PLCB1: variants seen among roughly 807,000 people sequenced by gnomAD.
PLCB1 encodes the protein 1-phosphatidylinositol 4,5-bisphosphate phosphodiesterase beta-1.
PLCB1 carries 46 observed loss-of-function variants against 161.8 expected under a neutral mutation model. That is an observed-to-expected ratio of 0.28 (90% CI 0.22 to 0.36). The LOEUF (loss-of-function observed/expected upper bound fraction) is 0.36. Ranked by LOEUF, PLCB1 falls within the 10% of genes least tolerant of loss-of-function variation. The pLI is 1.00. For synonymous variants in PLCB1, 517 were observed against 503.7 expected, an observed-to-expected ratio of 1.03 and a Z score of -0.35; for missense variants, 1,016 against 1,472.5, an observed-to-expected ratio of 0.69 and a Z score of 5.07.
intron 2 of PLCB1, among the ~76,000 whole-genome samples, chr20:8,364,754 T>C (rs1381037413): frequency 6.6e-6 from 1 of 152,226 alleles, no homozygotes; most frequent in East Asian, 1.9e-4. Context: ...CCATGTCAAT[T>C]GACAGTTACA....
At chr20:8,320,840 AGGG>A in intron 2 of PLCB1, among the ~76,000 whole-genome samples, 1 of 124,176 alleles carries the variant, frequency 8.1e-6, no homozygotes, top group African/African-American at 2.9e-5. Flanking sequence ...AGAGGGAGGG[AGGG>A]AGGGAGGGAA....
At chr20:8,698,222 T>C (rs1990623070) in intron 11 of PLCB1, among the ~76,000 whole-genome samples, 1 of 152,198 alleles carries the variant, frequency 6.6e-6, no homozygotes, top group African/African-American at 2.4e-5. Flanking sequence ...CCCATCAGAA[T>C]GTCCCGTTTA....
At chr20:8,434,421 G>A (rs374162086) in intron 3 of PLCB1, among the ~76,000 whole-genome samples, 3 of 152,212 alleles carry the variant, frequency 2.0e-5, no homozygotes, top group South Asian at 4.1e-4. Context: ...AGCATGTAAG[G>A]TCAAGAGGGT....
intron 2 of PLCB1, among the ~76,000 whole-genome samples, chr20:8,311,742 G>C (rs1205814869): frequency 6.6e-6 from 1 of 152,188 alleles, no homozygotes; most frequent in East Asian, 1.9e-4. Context: ...GTTGCCACTT[G>C]AACTTGGGTA....
chr20:8,182,781 A>G (rs1182275633), intron 2 of PLCB1, among the ~76,000 whole-genome samples: 2 of 151,834 alleles, frequency 1.3e-5, no homozygotes, highest in Non-Finnish European at 2.9e-5. Context: ...GTGTTTCACC[A>G]TGTTGGCCAG....
At chr20:8,737,598 T>C (rs923369543) in intron 20 of PLCB1, among the ~76,000 whole-genome samples, 1 of 152,226 alleles carries the variant, frequency 6.6e-6, no homozygotes, top group Non-Finnish European at 1.5e-5. Context: ...CCAAAATCTC[T>C]AGCCTCTGAG....
chr20:8,687,473 G>T (rs1013980781), intron 10 of PLCB1, among the ~76,000 whole-genome samples: 8 of 152,092 alleles, frequency 5.3e-5, no homozygotes, highest in Admixed American at 1.3e-4. Context: ...GAACCATATT[G>T]GTTGTCTTTT....
In PLCB1 at chr20:8,838,808, T is replaced by C. The variant is rs537078428; in HGVS notation, c.3424-42814T>C. On this transcript the variant is annotated intron_variant, in intron 31 of 31. Coordinates refer to ENST00000338037, the MANE Select transcript of PLCB1 (RefSeq NM_015192.4). ...TAACATGGAAAGTTTAACCAGGTGG[T>C]GACTCCAATTGCAGCTGTTGTACCA... Among the ~76,000 whole-genome samples, 10 of 152,334 alleles carry C rather than the reference T, an allele frequency of 6.6e-5. No homozygotes were observed. In the South Asian group the frequency reaches 1.9e-3, roughly 28 times the overall value.
chr20:8,462,344 G>A (rs184794231), intron 3 of PLCB1, among the ~76,000 whole-genome samples: 1 of 152,228 alleles, frequency 6.6e-6, no homozygotes, highest in East Asian at 1.9e-4. Context: ...GACATGACGT[G>A]CCATCCAATG....
At chr20:8,631,007 C>T (rs1196650950) in intron 4 of PLCB1, among the ~76,000 whole-genome samples, 2 of 152,152 alleles carry the variant, frequency 1.3e-5, no homozygotes, top group Non-Finnish European at 2.9e-5. Context: ...ATTAATGAAG[C>T]TATGGAGAAT....
intron 3 of PLCB1, among the ~76,000 whole-genome samples, chr20:8,498,921 C>A (rs1348496643): frequency 1.3e-5 from 2 of 152,150 alleles, no homozygotes; most frequent in Non-Finnish European, 2.9e-5. Context: ...ATCCCAAGTA[C>A]AGCACGGGTC....
chr20:8,184,862 T>C (rs2051884974), intron 2 of PLCB1, among the ~76,000 whole-genome samples: 1 of 151,398 alleles, frequency 6.6e-6, no homozygotes, highest in Non-Finnish European at 1.5e-5. Context: ...TACATAGGTA[T>C]ATATGTCCCA....
chr20:8,464,614 C>A (rs2122696001), intron 3 of PLCB1, among the ~76,000 whole-genome samples: 1 of 152,266 alleles, frequency 6.6e-6, no homozygotes, highest in Middle Eastern at 3.4e-3. Flanking sequence ...GATGACTCAG[C>A]AGGTTTGTGG....
intron 2 of PLCB1, among the ~76,000 whole-genome samples, chr20:8,160,001 A>G (rs1041637532): frequency 1.2e-4 from 18 of 151,452 alleles, no homozygotes; most frequent in Non-Finnish European, 2.7e-4. Context: ...AAAAAAAAAA[A>G]AAAAAAAGAA....
chr20:8,276,978 T>C (rs1982596191), intron 2 of PLCB1, among the ~76,000 whole-genome samples: 1 of 124,588 alleles, frequency 8.0e-6, no homozygotes, highest in Non-Finnish European at 1.7e-5. Context: ...CTTCTTCTTC[T>C]TCTTCTTCTT....
chr20:8,839,706 T>G (rs1986421089), intron 31 of PLCB1, among the ~76,000 whole-genome samples: 1 of 150,922 alleles, frequency 6.6e-6, no homozygotes, highest in East Asian at 2.0e-4. Context: ...GCTTTTGATT[T>G]CTCAGTCACA....
At chr20:8,303,771 CGACAGGGGG>C (rs1157337460) in intron 2 of PLCB1, among the ~76,000 whole-genome samples, 7 of 152,144 alleles carry the variant, frequency 4.6e-5, no homozygotes, top group African/African-American at 1.7e-4. Context: ...TAGCTGAGAA[CGACAGGGGG>C]CTCTTCAAAT....
At chr20:8,686,056 C>T (rs1285150343) in intron 10 of PLCB1, among the ~76,000 whole-genome samples, 1 of 151,988 alleles carries the variant, frequency 6.6e-6, no homozygotes, top group Non-Finnish European at 1.5e-5. Flanking sequence ...AGTATTAACA[C>T]AATTTAAATA....
At chr20:8,725,916 A>G (rs971125666) in intron 16 of PLCB1, among the ~76,000 whole-genome samples, 1 of 152,142 alleles carries the variant, frequency 6.6e-6, no homozygotes. Context: ...AAGAATATTC[A>G]ACATATTTTA....
Sources: gnomAD v4.1 joint callset for allele counts (sites outside exome capture counted in the v4.1 genomes callset) on GRCh38, gnomAD v4.1.1 for gene constraint, MANE v1.5 for transcripts, NCBI Gene and HGNC (gene_info 2026-07-23, HGNC 2026-07-21) for gene names.